INPP5A: variants seen among roughly 807,000 people sequenced by gnomAD.
INPP5A encodes the protein inositol polyphosphate-5-phosphatase A.
Under a neutral mutation model 65.2 loss-of-function variants are expected in INPP5A, and 14 were observed. That is an observed-to-expected ratio of 0.21 (90% confidence interval 0.14 to 0.34). The LOEUF is 0.34. Among genes scored for constraint, INPP5A ranks in the 10% least tolerant of loss-of-function variants. The pLI is 1.00. For synonymous variants in INPP5A, 207 were observed against 208.3 expected, an observed-to-expected ratio of 0.99 and a Z score of 0.05; for missense variants, 431 against 545.6, an observed-to-expected ratio of 0.79 and a Z score of 2.09.
chr10:132,600,059 T>C (rs1404314027), intron 1 of INPP5A, among the ~76,000 whole-genome samples: 1 of 152,218 alleles, frequency 6.6e-6, no homozygotes, highest in Non-Finnish European at 1.5e-5. Flanking sequence ...TGGAGACATT[T>C]TCCACATGGT....
At chr10:132,559,084 T>C (rs545188194) in intron 1 of INPP5A, among the ~76,000 whole-genome samples, 164 of 152,258 alleles carry the variant, frequency 1.1e-3, no homozygotes, top group African/African-American at 3.7e-3. Context: ...TTCCTGAGGG[T>C]CCCTGAGCTT....
chr10:132,730,543 T>C (rs572493298), intron 9 of INPP5A, among the ~76,000 whole-genome samples: 23 of 152,338 alleles, frequency 1.5e-4, no homozygotes, highest in Non-Finnish European at 2.4e-4. Context: ...GAAGAGCAGC[T>C]CCTGCGTGCA....
chr10:132,668,976 C>T (rs959516136), intron 4 of INPP5A, among the ~76,000 whole-genome samples: 3 of 151,866 alleles, frequency 2.0e-5, no homozygotes, highest in African/African-American at 7.3e-5. Flanking sequence ...CCGGTGAGGC[C>T]GGGCATGGTG....
intron 8 of INPP5A, among the ~76,000 whole-genome samples, chr10:132,712,326 T>G (rs535510226): frequency 1.3e-5 from 2 of 151,862 alleles, no homozygotes; most frequent in South Asian, 2.1e-4. Context: ...GGGGTTTGTG[T>G]GGGGGTGGGT....
intron 1 of INPP5A, among the ~76,000 whole-genome samples, chr10:132,573,997 G>T (rs2814442): frequency 1.2e-3 from 120 of 103,432 alleles, no homozygotes; most frequent in African/African-American, 4.4e-3. Context: ...ACGTGCCGTG[G>T]GAGGTTTTGT....
At position 132,762,815 on chromosome 10, in the gene INPP5A, AC is replaced by A. The variant is rs1846758359; in HGVS notation, c.904-2954del. ...AGACAAGCCAGGGCAATGTGGCAAG[AC>A]CCCGTCTCTACAAAAAATAAAGACT... On this transcript the variant is annotated intron_variant, in intron 11 of 15. Transcript: ENST00000368594. This position sits in a 1 kb window ranked among gnomAD's most constrained non-coding sequence, Gnocchi z 4.6. 6.6e-6 allele frequency among the ~76,000 whole-genome samples: 1 copy of A among 151,882 alleles called. No individual in the cohort carries two copies. The highest frequency in any genetic ancestry group is 1.5e-5 in the Non-Finnish European group (1 of 67,976).
intron 1 of INPP5A, among the ~76,000 whole-genome samples, chr10:132,605,023 C>T (rs2071827854): frequency 6.6e-6 from 1 of 151,924 alleles, no homozygotes; most frequent in South Asian, 2.1e-4. Context: ...GAGGGTGGAT[C>T]CACTTGTGTT....
rs553720254 is a variant in INPP5A, at chr10:132,651,915, C to T, written c.306+1410C>T. 6.6e-6 allele frequency among the ~76,000 whole-genome samples: 1 copy of T among 152,202 alleles called. No homozygotes were observed. Among genetic ancestry groups the T allele is most frequent in the Non-Finnish European group, 1.5e-5 (1 of 68,030 alleles). On this transcript the variant is annotated intron_variant, in intron 4 of 15. Transcript: ENST00000368594. The surrounding 1 kb of genome is among the most constrained non-coding windows in gnomAD (Gnocchi z 5.0). Reference sequence around the variant, plus strand: ...GCAGCTGCCCACACACAAGCGGCCTCTCCTCACGCTCTGTGGGGCACACGG... The same window carrying T: ...GCAGCTGCCCACACACAAGCGGCCTTTCCTCACGCTCTGTGGGGCACACGG...
rs1845351345 is a variant in INPP5A at position 132,696,803 on chromosome 10, G to T, written c.371-1013G>T. ...GGCCGGGTCACAGCACCCAGGGCCA[G>T]GTCAGACCACAGCACCCAGGGCCGG... is the stretch of plus-strand genomic sequence containing the variant. On this transcript the variant is annotated intron_variant, in intron 5 of 15. Transcript: ENST00000368594. Among the ~76,000 whole-genome samples the T allele has an allele frequency of 2.6e-5, 4 of 151,974 alleles. No individual in the cohort carries two copies. The South Asian group carries it at 8.3e-4, about 32-fold the overall frequency.
At chr10:132,608,031 C>A in intron 2 of INPP5A, 75 bp downstream of exon 2, 1 of 1,366,538 alleles carries the variant, frequency 7.3e-7, no homozygotes, top group Non-Finnish European at 1.0e-6. Context: ...TGGCATTCCT[C>A]CATGGAGTCT....
At position 132,548,739 on chromosome 10, in the gene INPP5A, G is replaced by A. The variant is rs536741569; in HGVS notation, c.75+10568G>A. On this transcript the variant is annotated intron_variant, in intron 1 of 15. Coordinates refer to ENST00000368594, the MANE Select transcript of INPP5A (RefSeq NM_005539.5). ...TCTGGTTTCTTTGACTTAGCATAAC[G>A]CAGCGTTTCAAGGTTTGTATTGATA... Among the ~76,000 whole-genome samples the A allele has an allele frequency of 1.1e-4, 17 of 151,380 alleles. No individual in the cohort carries two copies. The South Asian group carries it at 2.1e-3, about 19-fold the overall frequency.
At chr10:132,576,505 C>T (rs1293112587) in intron 1 of INPP5A, among the ~76,000 whole-genome samples, 1 of 152,174 alleles carries the variant, frequency 6.6e-6, no homozygotes, top group African/African-American at 2.4e-5. Flanking sequence ...TGAGGCCTTG[C>T]AGCTGGGAGG....
chr10:132,592,713 G>A (rs1449289056), intron 1 of INPP5A, among the ~76,000 whole-genome samples: 2 of 152,232 alleles, frequency 1.3e-5, no homozygotes, highest in Non-Finnish European at 2.9e-5. Context: ...GGCCAAAAAT[G>A]TTTAAAATAA....
intron 9 of INPP5A, among the ~76,000 whole-genome samples, chr10:132,733,331 C>G (rs1846119826): frequency 6.6e-6 from 1 of 152,234 alleles, no homozygotes; most frequent in Admixed American, 6.5e-5. Flanking sequence ...GAGTGACTGT[C>G]TCCTGCCACG....
At chr10:132,713,985 C>T (rs1227331735) in intron 8 of INPP5A, among the ~76,000 whole-genome samples, 3 of 152,156 alleles carry the variant, frequency 2.0e-5, no homozygotes, top group African/African-American at 4.8e-5. Flanking sequence ...AGGAGCGGCG[C>T]GGTTCTTCCT....
At chr10:132,744,103 CACCAGGGAAA>C (rs1846325909) in intron 9 of INPP5A, among the ~76,000 whole-genome samples, 1 of 152,224 alleles carries the variant, frequency 6.6e-6, no homozygotes, top group Non-Finnish European at 1.5e-5. Flanking sequence ...TGCCAGACAC[CACCAGGGAAA>C]CAGGTGCACC....
chr10:132,611,800 GCT>G (rs2071956489), intron 2 of INPP5A, among the ~76,000 whole-genome samples: 1 of 147,150 alleles, frequency 6.8e-6, no homozygotes, highest in African/African-American at 2.5e-5. Context: ...CAGGGGAAAG[GCT>G]CCATCAGAGG....
At chr10:132,726,726 G>T in intron 8 of INPP5A, 95 bp from the exon 9 acceptor site, 1 of 834,522 alleles carries the variant, frequency 1.2e-6, no homozygotes, top group South Asian at 1.6e-5. Flanking sequence ...AGAACAGAGA[G>T]TGTGCGGATG....
chr10:132,754,198 C>T (rs958057544), intron 11 of INPP5A, among the ~76,000 whole-genome samples: 10 of 152,230 alleles, frequency 6.6e-5, no homozygotes, highest in Admixed American at 5.2e-4. Flanking sequence ...CCCTGCGCAG[C>T]CTTGCGTTTG....
Sources: gnomAD v4.1 joint callset for allele counts (sites outside exome capture counted in the v4.1 genomes callset) on GRCh38, gnomAD v4.1.1 for gene constraint, Gnocchi (gnomAD v3.1) non-coding constraint, MANE v1.5 for transcripts, NCBI Gene and HGNC (gene_info 2026-07-23, HGNC 2026-07-21) for gene names.